The following ADH1C variants were observed in gnomAD, a reference collection of about 807,000 sequenced individuals.
ADH1C encodes the protein alcohol dehydrogenase 1C (class I), gamma polypeptide.
Under a neutral mutation model 35.0 loss-of-function variants are expected in ADH1C, and 26 were observed. The observed-to-expected ratio is 0.74, with a 90% CI of 0.54 to 1.03. The LOEUF is 1.03. Among genes scored for constraint, ADH1C ranks in the 50% least tolerant of loss-of-function variants. The pLI, the probability that ADH1C is intolerant of heterozygous loss-of-function variation, is 0.00. For missense variants in ADH1C, 413 were observed against 465.4 expected (o/e 0.89, Z 1.04); for synonymous variants, 170 against 169.3 (o/e 1.00, Z -0.03).
chr4:99,339,838 A>G, intron 7 of ADH1C, 123 bp from the exon 8 acceptor site: 1 of 905,880 alleles, frequency 1.1e-6, no homozygotes, highest in Non-Finnish European at 1.7e-6. Context: ...ATAACTGAGG[A>G]TAATAAGAGA....
At chr4:99,340,175 T>C (rs1054328895) in intron 7 of ADH1C, among the ~76,000 whole-genome samples, 1 of 152,096 alleles carries the variant, frequency 6.6e-6, no homozygotes, top group African/African-American at 2.4e-5. Context: ...CACGAGCACG[T>C]TGGGAGGCCG....
At chr4:99,342,551 G>C (rs934601491) in intron 6 of ADH1C, among the ~76,000 whole-genome samples, 2 of 152,124 alleles carry the variant, frequency 1.3e-5, no homozygotes, top group South Asian at 4.1e-4. Context: ...TGTAGTGGCT[G>C]TGTTAAAAAA....
chr4:99,344,169 G>A (rs925332297), intron 5 of ADH1C, among the ~76,000 whole-genome samples: 1 of 152,110 alleles, frequency 6.6e-6, no homozygotes, highest in Non-Finnish European at 1.5e-5. Context: ...TATATCTCTC[G>A]ATCTAGGTTT....
chr4:99,337,667 G>C (rs905552479), intron 8 of ADH1C, among the ~76,000 whole-genome samples: 1 of 151,888 alleles, frequency 6.6e-6, no homozygotes. Flanking sequence ...CAGGACAGAA[G>C]AAGCCGCTAA....
intron 2 of ADH1C, 82 bp downstream of exon 2, chr4:99,347,663 G>T: frequency 1.5e-6 from 2 of 1,293,912 alleles, no homozygotes; most frequent in South Asian, 3.2e-5. Context: ...AATACCTCTA[G>T]TGGATTTTGG....
At chr4:99,337,634 A>G (rs1734307382) in intron 8 of ADH1C, among the ~76,000 whole-genome samples, 1 of 152,028 alleles carries the variant, frequency 6.6e-6, no homozygotes, top group African/African-American at 2.4e-5. Context: ...TAAGAAAAAT[A>G]TATGCACATA....
chr4:99,346,073 T>C (rs903067121), intron 3 of ADH1C, among the ~76,000 whole-genome samples: 1 of 152,200 alleles, frequency 6.6e-6, no homozygotes, highest in Non-Finnish European at 1.5e-5. Context: ...CAGTTTATTT[T>C]ATTATTTTCT....
At chr4:99,343,736 CACTT>C (rs1428902676) in intron 5 of ADH1C, among the ~76,000 whole-genome samples, 3 of 152,128 alleles carry the variant, frequency 2.0e-5, no homozygotes, top group African/African-American at 7.2e-5. Flanking sequence ...TGGGTAGGCT[CACTT>C]AGACTACCCA....
chr4:99,343,141 T>A (rs1734456336), intron 5 of ADH1C, 86 bp from the exon 6 acceptor site: 1 of 1,522,840 alleles, frequency 6.6e-7, no homozygotes, highest in Non-Finnish European at 8.9e-7. Context: ...TCTTGTGTGT[T>A]ATCAAGAACT....
intron 6 of ADH1C, among the ~76,000 whole-genome samples, chr4:99,342,555 T>TA (rs748731279): frequency 5.5e-4 from 83 of 152,044 alleles, no homozygotes; most frequent in Admixed American, 1.5e-3. Flanking sequence ...GTGGCTGTGT[T>TA]AAAAAAAACA....
At chr4:99,351,660 A>T (rs143628634) in intron 1 of ADH1C, among the ~76,000 whole-genome samples, 8 of 152,364 alleles carry the variant, frequency 5.3e-5, no homozygotes, top group Admixed American at 5.2e-4. Flanking sequence ...CACTCATGTG[A>T]TTTCCAACCA....
intron 8 of ADH1C, among the ~76,000 whole-genome samples, chr4:99,338,659 A>G (rs1269872837): frequency 6.7e-6 from 1 of 148,836 alleles, no homozygotes; most frequent in East Asian, 2.0e-4. Flanking sequence ...CATGTAAGAC[A>G]CTTAGTAGAA....
intron 1 of ADH1C, among the ~76,000 whole-genome samples, chr4:99,348,864 T>G (rs1734605831): frequency 6.6e-6 from 1 of 152,164 alleles, no homozygotes; most frequent in Admixed American, 6.5e-5. Flanking sequence ...GATTTGCATT[T>G]CTCTGATGGC....
At chr4:99,346,814 A>C (rs1734539646) in intron 3 of ADH1C, among the ~76,000 whole-genome samples, 192 bp downstream of exon 3, 1 of 152,154 alleles carries the variant, frequency 6.6e-6, no homozygotes, top group Admixed American at 6.5e-5. Context: ...GGTAGAATAC[A>C]CGCATGCCTG....
chr4:99,348,431 C>T (rs947610911), intron 1 of ADH1C, among the ~76,000 whole-genome samples: 136 of 151,912 alleles, frequency 9.0e-4, no homozygotes, highest in African/African-American at 3.1e-3. Flanking sequence ...CCAGCTTCAT[C>T]CATGTCCCTA....
At chr4:99,347,893 C>T in intron 1 of ADH1C, 47 bp from the exon 2 acceptor site, 1 of 1,604,208 alleles carries the variant, frequency 6.2e-7, no homozygotes, top group Admixed American at 1.7e-5. Flanking sequence ...CCCACGCTTG[C>T]AGTCAGAAAT....
intron 3 of ADH1C, among the ~76,000 whole-genome samples, chr4:99,346,546 T>C (rs1734533308): frequency 6.6e-6 from 1 of 152,108 alleles, no homozygotes; most frequent in South Asian, 2.1e-4. Context: ...TAAGGAAAGG[T>C]CATGTTTCTT....
At chr4:99,348,970 G>A (rs1734608435) in intron 1 of ADH1C, among the ~76,000 whole-genome samples, 1 of 144,654 alleles carries the variant, frequency 6.9e-6, no homozygotes, top group Non-Finnish European at 1.5e-5. Context: ...TTTTTGATGG[G>A]GTTGTTTGTT....
chr4:99,344,397 G>T (rs974612681), intron 5 of ADH1C, among the ~76,000 whole-genome samples: 2 of 152,146 alleles, frequency 1.3e-5, no homozygotes, highest in African/African-American at 4.8e-5. Flanking sequence ...TGGTTTCGAG[G>T]TGCATCAGGT....
Sources: gnomAD v4.1 joint callset for allele counts (sites outside exome capture counted in the v4.1 genomes callset) on GRCh38, gnomAD v4.1.1 for gene constraint, MANE v1.5 for transcripts, NCBI Gene and HGNC (gene_info 2026-07-23, HGNC 2026-07-21) for gene names.